Variants in GPM6A observed in about 807,000 individuals in gnomAD.
The protein encoded by GPM6A is glycoprotein M6A, also known as neuronal membrane glycoprotein M6-a.
GPM6A carries 7 observed loss-of-function variants against 32.1 expected under a neutral mutation model. The ratio of observed to expected loss-of-function variants is 0.22; its 90% CI spans 0.12 to 0.41. GPM6A has a LOEUF of 0.41. Ranked by LOEUF, GPM6A falls within the 10% of genes least tolerant of loss-of-function variation. The pLI is 1.00. For missense variants in GPM6A, 235 were observed against 347.2 expected (o/e 0.68, Z 2.57); for synonymous variants, 130 against 123.4 (o/e 1.05, Z -0.35).
intron 1 of GPM6A, among the ~76,000 whole-genome samples, chr4:175,966,507 G>C (rs1013387985): frequency 3.3e-5 from 5 of 151,322 alleles, no homozygotes; most frequent in African/African-American, 1.2e-4. Context: ...TGGAGGTGGG[G>C]CCTTTGGGAA....
chr4:175,637,808 CTATT>C (rs1366461275), intron 6 of GPM6A, among the ~76,000 whole-genome samples: 121 of 98,016 alleles, frequency 1.2e-3, no homozygotes, highest in African/African-American at 2.6e-3. Context: ...AATATATAAT[CTATT>C]TATATATTAT....
intron 1 of GPM6A, among the ~76,000 whole-genome samples, chr4:176,001,785 G>T (rs967579234): frequency 3.9e-5 from 6 of 152,186 alleles, no homozygotes; most frequent in Admixed American, 3.9e-4. Flanking sequence ...GTCTGGCCCT[G>T]CACCAGCACC....
chr4:175,692,617 G>A lies in GPM6A; in HGVS notation c.230+8958C>T, dbSNP rs115719334. ...ATGTAAGCTGCAAATATTTTTCTCAGTTTTTTTAAATACATTTTAATGTTT... is the reference window on the plus strand; with the variant it reads ...ATGTAAGCTGCAAATATTTTTCTCAATTTTTTTAAATACATTTTAATGTTT... On this transcript the variant is annotated intron_variant, in intron 2 of 6. Transcript: ENST00000393658. 2.5e-3 allele frequency among the ~76,000 whole-genome samples: 379 copies of A among 151,670 alleles called. 1 individual carries two copies. Among genetic ancestry groups the A allele is most frequent in the African/African-American group, 8.7e-3 (362 of 41,372 alleles).
chr4:175,868,635 T>C (rs1736812031), intron 1 of GPM6A, among the ~76,000 whole-genome samples: 1 of 152,228 alleles, frequency 6.6e-6, no homozygotes, highest in African/African-American at 2.4e-5. Context: ...CCAGTTATCT[T>C]TCTGTTACGG....
chr4:175,662,677 G>A (rs570092961), intron 3 of GPM6A, among the ~76,000 whole-genome samples: 3 of 151,808 alleles, frequency 2.0e-5, no homozygotes, highest in East Asian at 3.9e-4. Context: ...GTAAATATTA[G>A]GTAAATATTT....
chr4:175,871,307 TAAAAATAC>T (rs1736899818), intron 1 of GPM6A, among the ~76,000 whole-genome samples: 1 of 151,870 alleles, frequency 6.6e-6, no homozygotes, highest in South Asian at 2.1e-4. Flanking sequence ...CCATCGCTAC[TAAAAATAC>T]AAAAATTAGC....
intron 1 of GPM6A, among the ~76,000 whole-genome samples, chr4:175,825,720 G>T (rs1735412080): frequency 6.6e-6 from 1 of 152,134 alleles, no homozygotes; most frequent in African/African-American, 2.4e-5. Context: ...TTTATTGTTC[G>T]TTAGAAAGGA....
chr4:175,870,532 T>G (rs1266231612), intron 1 of GPM6A, among the ~76,000 whole-genome samples: 1 of 152,198 alleles, frequency 6.6e-6, no homozygotes, highest in East Asian at 1.9e-4. Context: ...TAAAAGCTTC[T>G]TAAGTTTTTA....
intron 1 of GPM6A, among the ~76,000 whole-genome samples, chr4:175,884,091 C>T (rs192897745): frequency 3.3e-5 from 5 of 152,028 alleles, no homozygotes; most frequent in East Asian, 1.9e-4. Context: ...TGTAGAGCAG[C>T]GTGACTTTGC....
At chr4:175,794,703 AG>A (rs1734149476) in intron 1 of GPM6A, among the ~76,000 whole-genome samples, 1 of 152,160 alleles carries the variant, frequency 6.6e-6, no homozygotes, top group South Asian at 2.1e-4. Context: ...GCACTGATTG[AG>A]GCATGGTCGG....
Position 175,936,697 on chromosome 4 carries a change from G to GA in GPM6A, c.-23+65611dup, listed in dbSNP as rs201783526. ...GAAGCAATACTTTTTAAAAATTGAA[G>GA]AAAAAAAACCCATAAAAACGTAAAG... On this transcript the variant is annotated intron_variant, in intron 1 of 7. Transcript: ENST00000280187. Among the ~76,000 whole-genome samples, 733 of 150,894 alleles carry GA rather than the reference G, an allele frequency of 4.9e-3. 4 individuals carry two copies. Among genetic ancestry groups the GA allele is most frequent in the African/African-American group, 0.017 (681 of 41,172 alleles).
intron 1 of GPM6A, among the ~76,000 whole-genome samples, chr4:175,782,716 A>G (rs1733659131): frequency 6.6e-6 from 1 of 152,146 alleles, no homozygotes; most frequent in African/African-American, 2.4e-5. Flanking sequence ...CATAAGTAGT[A>G]TAAATTACCT....
At chr4:175,761,719 A>G (rs1457587393) in intron 1 of GPM6A, among the ~76,000 whole-genome samples, 3 of 152,150 alleles carry the variant, frequency 2.0e-5, no homozygotes, top group Non-Finnish European at 4.4e-5. Context: ...AAAAATCATA[A>G]AATCTAAATT....
intron 1 of GPM6A, among the ~76,000 whole-genome samples, chr4:175,941,247 T>A (rs1233785606): frequency 6.6e-6 from 1 of 152,206 alleles, no homozygotes; most frequent in Non-Finnish European, 1.5e-5. Flanking sequence ...TTAATAATGT[T>A]TTTGGAGAGA....
chr4:175,648,081 G>C (rs1741573741), intron 4 of GPM6A, among the ~76,000 whole-genome samples: 1 of 151,894 alleles, frequency 6.6e-6, no homozygotes. Flanking sequence ...GCTTTACATA[G>C]TATAGAAAGA....
At chr4:175,701,297 C>T (rs2111063801) in intron 2 of GPM6A, among the ~76,000 whole-genome samples, 1 of 152,202 alleles carries the variant, frequency 6.6e-6, no homozygotes, top group East Asian at 1.9e-4. Context: ...AAGGGAAGTC[C>T]CAGAATTCCA....
At chr4:175,700,997 G>A (rs1744846806) in intron 2 of GPM6A, among the ~76,000 whole-genome samples, 1 of 151,970 alleles carries the variant, frequency 6.6e-6, no homozygotes, top group Admixed American at 6.6e-5. Context: ...GTGATCTTAG[G>A]AGTTTTACAT....
chr4:175,831,008 C>T (rs1330499697), intron 1 of GPM6A, among the ~76,000 whole-genome samples: 2 of 152,094 alleles, frequency 1.3e-5, no homozygotes, highest in South Asian at 2.1e-4. Context: ...TCCTTTATCT[C>T]ATTTATTTGT....
At chr4:175,657,701 A>G (rs1742167019) in intron 3 of GPM6A, among the ~76,000 whole-genome samples, 1 of 152,130 alleles carries the variant, frequency 6.6e-6, no homozygotes, top group Non-Finnish European at 1.5e-5. Context: ...TTGAGGCCAG[A>G]TCATTCTTTG....
Sources: gnomAD v4.1 joint callset for allele counts (sites outside exome capture counted in the v4.1 genomes callset) on GRCh38, gnomAD v4.1.1 for gene constraint, MANE v1.5 for transcripts, NCBI Gene and HGNC (gene_info 2026-07-23, HGNC 2026-07-21) for gene names.